Variants in HDAC4 observed in about 807,000 individuals in gnomAD.
HDAC4 encodes histone deacetylase 4, also known as histone deacetylase A.
HDAC4 carries 16 observed loss-of-function variants against 135.1 expected under a neutral mutation model. The ratio of observed to expected loss-of-function variants is 0.12; its 90% CI spans 0.08 to 0.18. HDAC4 has a LOEUF of 0.18. HDAC4 is among the 10% of genes least tolerant of loss of function. The pLI is 1.00. For missense variants in HDAC4, 1,143 were observed against 1,511.8 expected (o/e 0.76, Z 4.05); for synonymous variants, 685 against 653.4 (o/e 1.05, Z -0.74).
rs1396230486 is a variant in HDAC4 at position 239,306,854 on chromosome 2, C to A, written c.22+45824G>T. Among the ~76,000 whole-genome samples, 3 of 152,042 alleles carry A rather than the reference C, an allele frequency of 2.0e-5. No individual in the cohort carries two copies. Among genetic ancestry groups the A allele is most frequent in the Admixed American group, 6.5e-5 (1 of 15,272 alleles). On this transcript the variant is annotated intron_variant, in intron 2 of 26. Coordinates refer to ENST00000543185, the MANE Select transcript of HDAC4 (RefSeq NM_001378414.1). This position sits in a 1 kb window ranked among gnomAD's most constrained non-coding sequence, Gnocchi z 4.5. ...AGGAGCCAGACAGGATCGAGAGAAC[C>A]TTCTGGAAGGAGCTGCAGGGATGCA... is the stretch of plus-strand genomic sequence containing the variant.
At chr2:239,381,449 G>A (rs1421766020) in intron 1 of HDAC4, among the ~76,000 whole-genome samples, 1 of 152,148 alleles carries the variant, frequency 6.6e-6, no homozygotes, top group Admixed American at 6.5e-5. Context: ...AAAAGGAGAG[G>A]AGAAAGGTAC....
At chr2:239,061,197 G>A (rs1329888149) in intron 24 of HDAC4, among the ~76,000 whole-genome samples, 1 of 152,126 alleles carries the variant, frequency 6.6e-6, no homozygotes, top group Non-Finnish European at 1.5e-5. Context: ...GCATGTGCTT[G>A]TGGGGTATGT....
At chr2:239,203,424 A>G (rs1250558153) in intron 3 of HDAC4, among the ~76,000 whole-genome samples, 1 of 152,232 alleles carries the variant, frequency 6.6e-6, no homozygotes, top group Admixed American at 6.5e-5. Flanking sequence ...AGAAGCCAAG[A>G]AGGCTCATTG....
At chr2:239,156,866 T>C in intron 6 of HDAC4, 93 bp from the exon 7 acceptor site, 1 of 1,487,772 alleles carries the variant, frequency 6.7e-7, no homozygotes, top group Non-Finnish European at 9.3e-7. Context: ...GATCTTTCCC[T>C]TGAAACCTCA....
intron 4 of HDAC4, among the ~76,000 whole-genome samples, chr2:239,188,714 G>A (rs1458664190): frequency 1.3e-5 from 2 of 152,248 alleles, no homozygotes; most frequent in African/African-American, 4.8e-5. Context: ...CAGTGTTGGT[G>A]GCGGCCTGCC....
intron 2 of HDAC4, among the ~76,000 whole-genome samples, chr2:239,250,572 C>T (rs2048730410): frequency 6.6e-6 from 1 of 152,250 alleles, no homozygotes; most frequent in Non-Finnish European, 1.5e-5. Context: ...CACTGGTTCA[C>T]ACAGCAGGCC....
chr2:239,370,614 CAGAT>C (rs749523636), intron 1 of HDAC4, among the ~76,000 whole-genome samples: 9 of 152,186 alleles, frequency 5.9e-5, no homozygotes, highest in Non-Finnish European at 8.8e-5. Context: ...TTAACGGCAA[CAGAT>C]AGTGCAGAGC....
intron 25 of HDAC4, 32 bp from the exon 26 acceptor site, chr2:239,053,633 T>C (rs765593997): frequency 3.7e-5 from 59 of 1,607,546 alleles, no homozygotes; most frequent in Non-Finnish European, 4.9e-5. Flanking sequence ...AGTCGCTCAG[T>C]GACTACAACT....
At chr2:239,269,313 CCACA>C (rs2049931507) in intron 2 of HDAC4, among the ~76,000 whole-genome samples, 1 of 151,500 alleles carries the variant, frequency 6.6e-6, no homozygotes, top group South Asian at 2.1e-4. Context: ...ATTCACACAC[CCACA>C]CACATTCACA....
At chr2:239,225,728 C>A (rs373220434) in intron 3 of HDAC4, among the ~76,000 whole-genome samples, 1 of 64,534 alleles carries the variant, frequency 1.5e-5, no homozygotes, top group Admixed American at 1.8e-4. Context: ...TTCTTCCCCT[C>A]GCCCGTGGCC....
intron 3 of HDAC4, chr2:239,191,066 G>A (rs2044916597): frequency 2.2e-6 from 1 of 450,436 alleles, no homozygotes; most frequent in South Asian, 1.6e-5. Flanking sequence ...TTCACTGAGA[G>A]TCCAAGTGAG....
intron 1 of HDAC4, among the ~76,000 whole-genome samples, chr2:239,373,848 C>T (rs1249027448): frequency 6.6e-6 from 1 of 152,178 alleles, no homozygotes; most frequent in Non-Finnish European, 1.5e-5. Context: ...TCTAGAGATC[C>T]GGGGTCAATG....
chr2:239,152,096 G>A (rs746700784), intron 7 of HDAC4, among the ~76,000 whole-genome samples: 9 of 152,196 alleles, frequency 5.9e-5, no homozygotes, highest in African/African-American at 9.7e-5. Context: ...AGAAGATCAC[G>A]ATGAAGATGT....
intron 14 of HDAC4, among the ~76,000 whole-genome samples, chr2:239,108,425 A>T (rs531939560): frequency 7.9e-5 from 12 of 152,212 alleles, no homozygotes; most frequent in African/African-American, 2.9e-4. Flanking sequence ...TGCTCACAGT[A>T]ACGCCCCAGG....
chr2:239,206,824 T>C lies in HDAC4; in HGVS notation c.95-16747A>G, dbSNP rs918260640. On this transcript the variant is annotated intron_variant, in intron 3 of 26. Transcript: ENST00000543185. Reference sequence around the variant, plus strand: ...GTGATTTTAAACACCATCAGGGATATATCAACATTGGGTAAAAATCTGCTA... The same window carrying C: ...GTGATTTTAAACACCATCAGGGATACATCAACATTGGGTAAAAATCTGCTA... 3.9e-5 allele frequency among the ~76,000 whole-genome samples: 6 copies of C among 152,198 alleles called. 1 individual carries two copies. Among genetic ancestry groups the C allele is most frequent in the African/African-American group, 1.4e-4 (6 of 41,450 alleles).
intron 16 of HDAC4, among the ~76,000 whole-genome samples, chr2:239,102,205 C>G (rs748905091): frequency 1.1e-4 from 17 of 152,206 alleles, no homozygotes; most frequent in Middle Eastern, 3.2e-3. Context: ...CACTGGAAGC[C>G]CCATGGAGCT....
chr2:239,309,067 G>A lies in HDAC4; in HGVS notation c.22+43611C>T, dbSNP rs1243930868. 2.6e-5 allele frequency: 4 copies of A among 152,074 alleles called. No homozygotes were observed. Among genetic ancestry groups the A allele is most frequent in the African/African-American group, 4.8e-5 (2 of 41,392 alleles). 9.4% of individuals were successfully genotyped at this position (152,074 alleles called of 1,614,324 possible). A position where few individuals can be genotyped will look rare whatever the true frequency, so the allele number is the denominator to read the frequency against. On this transcript the variant is annotated intron_variant, in intron 2 of 26. Transcript: ENST00000543185. This position sits in a 1 kb window ranked among gnomAD's most constrained non-coding sequence, Gnocchi z 4.2. ...CAAGTTTCTTAAAAAAGAGTTAATCGTACTGACTTGGTGCTTTACCTTCAG... is the reference window on the plus strand; with the variant it reads ...CAAGTTTCTTAAAAAAGAGTTAATCATACTGACTTGGTGCTTTACCTTCAG...
chr2:239,138,101 T>C (rs1575157490), intron 9 of HDAC4, among the ~76,000 whole-genome samples: 1 of 152,180 alleles, frequency 6.6e-6, no homozygotes, highest in African/African-American at 2.4e-5. Flanking sequence ...AAGTAATTTC[T>C]AGGTTGCATT....
intron 9 of HDAC4, among the ~76,000 whole-genome samples, chr2:239,135,879 G>A (rs1355257526): frequency 6.6e-6 from 1 of 152,242 alleles, no homozygotes; most frequent in Non-Finnish European, 1.5e-5. Flanking sequence ...ACAGGTTATA[G>A]ATCATGTACC....
Sources: gnomAD v4.1 joint callset for allele counts (sites outside exome capture counted in the v4.1 genomes callset) on GRCh38, gnomAD v4.1.1 for gene constraint, Gnocchi (gnomAD v3.1) non-coding constraint, MANE v1.5 for transcripts, NCBI Gene and HGNC (gene_info 2026-07-23, HGNC 2026-07-21) for gene names.